FNBP4: variants seen among roughly 807,000 people sequenced by gnomAD.
FNBP4 encodes the protein formin-binding protein 4.
Under a neutral mutation model 119.3 loss-of-function variants are expected in FNBP4, and 34 were observed. The observed-to-expected ratio is 0.28, with a 90% confidence interval of 0.22 to 0.38. The LOEUF (loss-of-function observed/expected upper bound fraction) is 0.38, where lower values mean the gene tolerates loss of function less well. Among genes scored for constraint, FNBP4 ranks in the 10% least tolerant of loss-of-function variants. FNBP4 has a pLI of 1.00. For synonymous variants in FNBP4, 462 were observed against 430.6 expected, an observed-to-expected ratio of 1.07 and a Z score of -0.90; for missense variants, 1,112 against 1,228.9, an observed-to-expected ratio of 0.90 and a Z score of 1.42.
At chr11:47,722,391 G>A (rs2097556853) in intron 15 of FNBP4, among the ~76,000 whole-genome samples, 1 of 151,634 alleles carries the variant, frequency 6.6e-6, no homozygotes, top group Non-Finnish European at 1.5e-5. Flanking sequence ...TTATCCCTAT[G>A]CTTTTTAAGA....
intron 4 of FNBP4, among the ~76,000 whole-genome samples, chr11:47,752,056 T>C (rs1413034367): frequency 6.6e-6 from 1 of 152,076 alleles, no homozygotes; most frequent in Non-Finnish European, 1.5e-5. Context: ...CAATTACTTT[T>C]TAAAAGATAA....
rs531790468 is a variant in FNBP4, at chr11:47,746,089, G to T, written c.1212C>A (p.Thr404=). 1 of 1,606,518 alleles carries T rather than the reference G, an allele frequency of 6.2e-7. No individual in the cohort carries two copies. Among genetic ancestry groups the T allele is most frequent in the African/African-American group, 1.3e-5 (1 of 74,442 alleles). Residue 404 remains threonine (T), a synonymous_variant, in exon 7 of 17, where the codon ACC becomes ACA. Transcript: ENST00000263773. The part of the protein sequence containing the change: ...GESEEEEEQD[T]LELELVLERK... Reference sequence around the variant, plus strand: ...TTTCCAAAACTAGCTCCAGTTCAAGGGTATCTTGTTCCTCTTCCTCCTCAC... The same window carrying T: ...TTTCCAAAACTAGCTCCAGTTCAAGTGTATCTTGTTCCTCTTCCTCCTCAC...
At chr11:47,756,656 A>G (rs1477057114) in intron 2 of FNBP4, among the ~76,000 whole-genome samples, 2 of 152,138 alleles carry the variant, frequency 1.3e-5, no homozygotes, top group East Asian at 1.9e-4. Context: ...TTAACTCATC[A>G]TTAACATTAG....
At chr11:47,767,031 C>T in intron 1 of FNBP4, 38 bp downstream of exon 1, 1 of 1,514,472 alleles carries the variant, frequency 6.6e-7, no homozygotes, top group Non-Finnish European at 8.8e-7. Flanking sequence ...AGGCCGCAAG[C>T]CCTGAGCTCG....
intron 6 of FNBP4, among the ~76,000 whole-genome samples, chr11:47,747,697 T>C (rs2097593317): frequency 6.6e-6 from 1 of 151,710 alleles, no homozygotes; most frequent in African/African-American, 2.4e-5. Flanking sequence ...TGCCTGTAAT[T>C]CCAGCACTTT....
intron 15 of FNBP4, among the ~76,000 whole-genome samples, chr11:47,722,507 A>C (rs2097556991): frequency 6.6e-6 from 1 of 152,114 alleles, no homozygotes; most frequent in South Asian, 2.1e-4. Context: ...ATGGGGGCCC[A>C]AGCTGATTCT....
intron 3 of FNBP4, 21 bp from the exon 4 acceptor site, chr11:47,753,123 C>G (rs371878902): frequency 2.6e-6 from 4 of 1,563,982 alleles, no homozygotes; most frequent in Non-Finnish European, 3.5e-6. Flanking sequence ...AAAAGAGTAA[C>G]AAATGCAGTA....
At chr11:47,729,008 C>T (rs559548407) in intron 12 of FNBP4, 13 of 227,446 alleles carry the variant, frequency 5.7e-5, no homozygotes, top group East Asian at 1.8e-4. Flanking sequence ...GCTGCCACCA[C>T]GCCCAGCTAA....
Position 47,751,819 on chromosome 11 carries a change from G to A in FNBP4, c.638-529C>T, listed in dbSNP as rs766241380. Among the ~76,000 whole-genome samples the A allele has an allele frequency of 6.6e-5, 10 of 152,026 alleles. 1 individual carries two copies. The highest frequency in any genetic ancestry group is 2.6e-4 in the Admixed American group (4 of 15,268). ...ATACAAAAATTGGGCGTGGTGGTGC[G>A]TGCCTGTAATCCCAGCTACTCGGGA... On this transcript the variant is annotated intron_variant, in intron 4 of 16. Coordinates refer to ENST00000263773, the MANE Select transcript of FNBP4 (RefSeq NM_015308.5).
intron 4 of FNBP4, among the ~76,000 whole-genome samples, chr11:47,752,338 T>C (rs1201777894): frequency 1.3e-5 from 2 of 151,088 alleles, no homozygotes; most frequent in East Asian, 2.0e-4. Flanking sequence ...GGCAGAAGAA[T>C]TGGTTGAACC....
chr11:47,734,215 A>T, intron 9 of FNBP4, 86 bp from the exon 10 acceptor site: 1 of 677,488 alleles, frequency 1.5e-6, no homozygotes, highest in South Asian at 2.5e-5. Flanking sequence ...TCTTATAGAT[A>T]TTAGAAATAT....
chr11:47,716,779 A>G lies in FNBP4; in HGVS notation c.*643T>C, dbSNP rs2097550371. 1 of 152,566 alleles carries G rather than the reference A, an allele frequency of 6.6e-6. No individual in the cohort carries two copies. The allele number at this position is 152,566 out of a possible 1,614,324, so 9.5% of individuals were successfully genotyped here. A position where few individuals can be genotyped will look rare whatever the true frequency, so the allele number is the denominator to read the frequency against. ...AGACAATGGAGACATTAATACATAG[A>G]GTGTCTTGTTGTATTTACTGCCACA... On this transcript the variant is annotated 3_prime_UTR_variant, in exon 17 of 17. Transcript: ENST00000263773.
In FNBP4 at chr11:47,751,196, C is replaced by T. The variant is rs763719804; in HGVS notation, c.732G>A (p.Glu244=). Residue 244 remains glutamate (E), a synonymous_variant, in exon 5 of 17, where the codon GAG becomes GAA. Transcript: ENST00000263773. ...CCTGTGTGGCAAGATATTGGGGTAA[C>T]TCCCAAGTCACTTCATTTGTTTGTG... ...WNTQTNEVTW[E]LPQYLATQVQ... is the part of the protein sequence containing the mutation. The T allele has an allele frequency of 1.2e-6, 2 of 1,614,130 alleles. No homozygotes were observed. Among genetic ancestry groups the T allele is most frequent in the Non-Finnish European group, 1.7e-6 (2 of 1,180,026 alleles).
intron 8 of FNBP4, among the ~76,000 whole-genome samples, chr11:47,741,549 G>A (rs1283984910): frequency 6.6e-6 from 1 of 151,724 alleles, no homozygotes; most frequent in Admixed American, 6.6e-5. Flanking sequence ...TGGTCGCAGT[G>A]GCTCACGCCT....
chr11:47,758,203 G>T (rs1163473585), intron 2 of FNBP4, among the ~76,000 whole-genome samples: 1 of 152,056 alleles, frequency 6.6e-6, no homozygotes, highest in African/African-American at 2.4e-5. Context: ...ACCTCAATCA[G>T]GCTCCTGTGT....
At position 47,767,206 on chromosome 11, in the gene FNBP4, C is replaced by G; in HGVS notation, c.83G>C (p.Gly28Ala). Residue 28 changes from glycine (G) to alanine (A), a missense_variant, in exon 1 of 17, where the codon GGC becomes GCC. By Grantham distance (60) the Gly-to-Ala change is moderately conservative. This residue lies in a region of FNBP4 where 286 missense variants were observed against 240.1 expected (regional missense o/e 1.19). Coordinates refer to ENST00000263773, the MANE Select transcript of FNBP4 (RefSeq NM_015308.5). ...SPPGPRGSTP[G>A]RDPEPEPDTE... ...GTCGGGTTCCGGCTCCGGGTCCCGG[C>G]CCGGCGTGCTGCCCCGAGGACCCGG... The G allele has an allele frequency of 6.4e-7, 1 of 1,564,774 alleles. No homozygotes were observed. The highest frequency in any genetic ancestry group is 1.7e-4 in the Middle Eastern group (1 of 5,844).
Position 47,767,090 on chromosome 11 carries a change from A to T in FNBP4, c.199T>A (p.Ser67Thr). ...TTGCCTTCTGAAGGCGAGTCGTCCG[A>T]GGCCGCGGCGGCAGTCACCGCGGTG... is the stretch of plus-strand genomic sequence containing the variant. The part of the protein sequence containing the change: ...TTTAVTAAAA[S>T]DDSPSEDEQE... The change falls in exon 1 of 17, where the codon TCG becomes ACG. Residue 67 changes from serine (S) to threonine (T), a missense_variant. By Grantham distance (58) the Ser-to-Thr change is moderately conservative (BLOSUM62 1). Coordinates refer to ENST00000263773, the MANE Select transcript of FNBP4 (RefSeq NM_015308.5). 1 of 1,531,478 alleles carries T rather than the reference A, an allele frequency of 6.5e-7. No individual in the cohort carries two copies. Among genetic ancestry groups the T allele is most frequent in the Non-Finnish European group, 8.7e-7 (1 of 1,145,234 alleles). The allele number at this position is 1,531,478 out of a possible 1,614,324, so 94.9% of individuals were successfully genotyped here.
In FNBP4 at chr11:47,751,246, T is replaced by A. The variant is rs1483913096; in HGVS notation, c.682A>T (p.Thr228Ser). The change falls in exon 5 of 17, where the codon ACG becomes TCG. Residue 228 changes from threonine (T) to serine (S), a missense_variant. This residue lies in a region of FNBP4 where 826 missense variants were observed against 988.8 expected (regional missense o/e 0.84). Transcript: ENST00000263773. ...GTATTCCAATAATAATAACATCCCGTGTTCTCATCCCAGACTTCCTGCCAA... is the reference window on the plus strand; with the variant it reads ...GTATTCCAATAATAATAACATCCCGAGTTCTCATCCCAGACTTCCTGCCAA... The part of the protein sequence containing the change: ...GDWQEVWDEN[T>S]GCYYYWNTQT... 1.2e-6 allele frequency: 2 copies of A among 1,614,034 alleles called. No homozygotes were observed. Among genetic ancestry groups the A allele is most frequent in the East Asian group, 4.5e-5 (2 of 44,900 alleles).
chr11:47,729,759 A>C, intron 12 of FNBP4: 3 of 985,450 alleles, frequency 3.0e-6, no homozygotes, highest in Non-Finnish European at 3.6e-6. Context: ...AGCTGGTTTT[A>C]ACCACCACTG....
Sources: allele counts gnomAD v4.1 joint callset (sites outside exome capture counted in the v4.1 genomes callset), GRCh38; gene constraint gnomAD v4.1.1; regional missense constraint gnomAD v4.1.1; transcripts MANE v1.5; gene names NCBI Gene and HGNC (gene_info 2026-07-23, HGNC 2026-07-21).